Variants in PPFIA2 observed in about 807,000 individuals in gnomAD.
The protein encoded by PPFIA2 is liprin-alpha-2.
In PPFIA2, 46 loss-of-function variants were observed where a neutral mutation model predicts 175.5. The observed-to-expected ratio is 0.26, with a 90% CI of 0.21 to 0.34. The LOEUF (loss-of-function observed/expected upper bound fraction) is 0.34. PPFIA2 is among the 10% of genes least tolerant of loss of function. The probability of loss-of-function intolerance (pLI) is 1.00; values close to 1 mark genes in which losing one functional copy is unlikely to be tolerated. For synonymous variants in PPFIA2, 568 were observed against 511.4 expected, an observed-to-expected ratio of 1.11 and a Z score of -1.49; for missense variants, 1,179 against 1,506.1, an observed-to-expected ratio of 0.78 and a Z score of 3.60.
intron 4 of PPFIA2, among the ~76,000 whole-genome samples, chr12:81,566,397 G>T (rs796322117): frequency 4.6e-5 from 7 of 151,892 alleles, no homozygotes; most frequent in African/African-American, 1.7e-4. Flanking sequence ...GGTGGTGGGT[G>T]CCTGTAGTCC....
chr12:81,454,509 C>T (rs1239304683), intron 5 of PPFIA2, among the ~76,000 whole-genome samples: 2 of 152,108 alleles, frequency 1.3e-5, no homozygotes, highest in African/African-American at 4.8e-5. Flanking sequence ...TTCATAAAAA[C>T]ATTTAGATTT....
chr12:81,464,787 G>A (rs1287399491), intron 4 of PPFIA2, among the ~76,000 whole-genome samples: 1 of 151,532 alleles, frequency 6.6e-6, no homozygotes, highest in Non-Finnish European at 1.5e-5. Context: ...AGCCTATCGG[G>A]CTACCCATTC....
intron 5 of PPFIA2, among the ~76,000 whole-genome samples, chr12:81,454,852 A>T (rs1349452797): frequency 6.6e-6 from 1 of 151,948 alleles, no homozygotes; most frequent in Non-Finnish European, 1.5e-5. Context: ...ATATTTATTT[A>T]TGTATTTATT....
chr12:81,551,217 T>C lies in PPFIA2; in HGVS notation c.304-93351A>G, dbSNP rs556065306. On this transcript the variant is annotated intron_variant, in intron 4 of 32. Transcript: ENST00000549396. ...CAGATGTTCAATAAAGTTTATGGTA[T>C]AAATGAATGAAAAGATGAATGGCAA... Among the ~76,000 whole-genome samples the C allele has an allele frequency of 8.7e-4, 132 of 151,988 alleles. 1 individual carries two copies. Among genetic ancestry groups the C allele is most frequent in the African/African-American group, 3.1e-3 (127 of 41,528 alleles).
chr12:81,558,704 G>T (rs1458435408), intron 4 of PPFIA2, among the ~76,000 whole-genome samples: 1 of 152,134 alleles, frequency 6.6e-6, no homozygotes, highest in Non-Finnish European at 1.5e-5. Context: ...TACTTGAAGA[G>T]GTGGCTATGT....
chr12:81,422,117 T>C (rs1381465953), intron 7 of PPFIA2, among the ~76,000 whole-genome samples: 2 of 141,084 alleles, frequency 1.4e-5, no homozygotes, highest in East Asian at 4.0e-4. Flanking sequence ...TATATGTGTA[T>C]ATATATGTGT....
chr12:81,512,206 C>T (rs574984208), intron 4 of PPFIA2: 2 of 643,766 alleles, frequency 3.1e-6, no homozygotes, highest in South Asian at 3.1e-5. Flanking sequence ...TCTTATCATC[C>T]CTTACTTAAA....
intron 5 of PPFIA2, among the ~76,000 whole-genome samples, chr12:81,455,137 A>G (rs1593249603): frequency 6.6e-6 from 1 of 152,368 alleles, no homozygotes; most frequent in East Asian, 1.9e-4. Context: ...TAGCAAGAAG[A>G]AAAGCACAAC....
In PPFIA2 at chr12:81,384,064, T is replaced by C. The variant is rs1430692349; in HGVS notation, c.943A>G (p.Thr315Ala). 1.2e-6 allele frequency: 2 copies of C among 1,613,164 alleles called. No homozygotes were observed. The highest frequency in any genetic ancestry group is 3.3e-5 in the Admixed American group (2 of 59,880). ...AETARKDLIK[T>A]EEMNTKYQRD... Reference sequence around the variant, plus strand: ...TGATACTTGGTGTTCATTTCTTCTGTTTTAATGAGATCCTTTCTTGCTGTC... The same window carrying C: ...TGATACTTGGTGTTCATTTCTTCTGCTTTAATGAGATCCTTTCTTGCTGTC... Residue 315 changes from threonine to alanine, a missense_variant, in exon 9 of 33, where the codon ACA (threonine) becomes GCA (alanine). By Grantham distance (58) the Thr-to-Ala change is moderately conservative. Transcript: ENST00000549396.
chr12:81,621,106 T>A (rs2061999820), intron 4 of PPFIA2, among the ~76,000 whole-genome samples: 1 of 152,042 alleles, frequency 6.6e-6, no homozygotes, highest in Non-Finnish European at 1.5e-5. Flanking sequence ...GTAGGGGAGT[T>A]GAAAAAATAT....
chr12:81,555,121 C>T lies in PPFIA2; in HGVS notation c.304-97255G>A, dbSNP rs531311841. Among the ~76,000 whole-genome samples the T allele has an allele frequency of 3.3e-5, 5 of 152,072 alleles. No individual in the cohort carries two copies. The East Asian group carries it at 7.7e-4, about 24-fold the overall frequency. ...TCAAAGTGCTATATTTTATGTCTGC[C>T]TTCAAGGTATTCACTATATAGATGA... is the stretch of plus-strand genomic sequence containing the variant. On this transcript the variant is annotated intron_variant, in intron 4 of 32. Transcript: ENST00000549396.
intron 4 of PPFIA2, among the ~76,000 whole-genome samples, chr12:81,524,620 C>G (rs1359329207): frequency 6.6e-6 from 1 of 152,114 alleles, no homozygotes; most frequent in Non-Finnish European, 1.5e-5. Flanking sequence ...TATCTTGAGT[C>G]TCATCCATAT....
chr12:81,397,290 G>A (rs2041311214), intron 8 of PPFIA2, among the ~76,000 whole-genome samples: 4 of 151,966 alleles, frequency 2.6e-5, no homozygotes, highest in African/African-American at 9.7e-5. Flanking sequence ...AAGAAACTGG[G>A]AGTTGTCATG....
chr12:81,598,500 C>A (rs994360825), intron 4 of PPFIA2: 1 of 354,906 alleles, frequency 2.8e-6, no homozygotes, highest in Non-Finnish European at 4.0e-6. Flanking sequence ...TTCTGACTAA[C>A]CTGAAGCATG....
chr12:81,426,196 ATTGATTGACG>A (rs145653654), intron 7 of PPFIA2, among the ~76,000 whole-genome samples: 48 of 152,272 alleles, frequency 3.2e-4, no homozygotes, highest in African/African-American at 1.1e-3. Flanking sequence ...AACTTCAAAG[ATTGATTGACG>A]TTCCTTGGTT....
chr12:81,504,989 T>C (rs1434625823), intron 4 of PPFIA2, among the ~76,000 whole-genome samples: 2 of 148,932 alleles, frequency 1.3e-5, no homozygotes, highest in Non-Finnish European at 3.0e-5. Context: ...CACCGGGCCC[T>C]GTCAGGGGGT....
In PPFIA2 at chr12:81,349,577, TA is replaced by T. The variant is rs746039038; in HGVS notation, c.1995-1808del. On this transcript the variant is annotated intron_variant, in intron 17 of 32. Transcript: ENST00000549396. ...TCTTCACCCTCAAAAAATAAAAATG[TA>T]AAAAAAAGAAGACATTTTGTACTTT... Among the ~76,000 whole-genome samples, 15 of 151,968 alleles carry T rather than the reference TA, an allele frequency of 9.9e-5. No individual in the cohort carries two copies. The South Asian group carries it at 3.1e-3, about 32-fold the overall frequency.
intron 12 of PPFIA2, 78 bp from the exon 13 acceptor site, chr12:81,368,934 T>A (rs2034325436): frequency 1.4e-6 from 2 of 1,473,454 alleles, no homozygotes; most frequent in Non-Finnish European, 1.8e-6. Flanking sequence ...TAGTTTTAAA[T>A]TGAATTTAAT....
intron 4 of PPFIA2, among the ~76,000 whole-genome samples, chr12:81,566,696 A>C (rs78124536): frequency 6.6e-6 from 1 of 152,256 alleles, no homozygotes; most frequent in African/African-American, 2.4e-5. Flanking sequence ...ACATTCTCTT[A>C]GGGGGATATA....
Sources: gnomAD v4.1 joint callset for allele counts (sites outside exome capture counted in the v4.1 genomes callset) on GRCh38, gnomAD v4.1.1 for gene constraint, MANE v1.5 for transcripts, NCBI Gene and HGNC (gene_info 2026-07-23, HGNC 2026-07-21) for gene names.